Variants in SLC5A4 observed in about 807,000 individuals in gnomAD.
SLC5A4 encodes solute carrier family 5 member 4, also known as probable glucose sensor protein SLC5A4.
Under a neutral mutation model 70.3 loss-of-function variants are expected in SLC5A4, and 55 were observed. The ratio of observed to expected loss-of-function variants is 0.78; its 90% CI spans 0.63 to 0.98. The LOEUF (loss-of-function observed/expected upper bound fraction) is 0.98, where lower values mean the gene tolerates loss of function less well. SLC5A4 is among the 50% of genes least tolerant of loss of function. The pLI is 0.00. For synonymous variants in SLC5A4, 268 were observed against 305.7 expected, an observed-to-expected ratio of 0.88 and a Z score of 1.29; for missense variants, 735 against 839.2, an observed-to-expected ratio of 0.88 and a Z score of 1.53.
chr22:32,351,735 GGTGGGGGGAGGGC>G, the SLC5A4 span, among the ~76,000 whole-genome samples: 1 of 36,548 alleles, frequency 2.7e-5, no homozygotes, highest in Non-Finnish European at 4.3e-5. Flanking sequence ...GGGTGGGGGC[GGTGGGGGGAGGGC>G]GGGGGGGGGG....
intron 5 of SLC5A4, among the ~76,000 whole-genome samples, chr22:32,244,622 C>T (rs1174662163): frequency 6.6e-6 from 1 of 152,186 alleles, no homozygotes; most frequent in African/African-American, 2.4e-5. Context: ...AACTTAGCTC[C>T]TGGGTTCAAG....
chr22:32,330,585 T>G, the SLC5A4 span, among the ~76,000 whole-genome samples: 1,307 of 115,358 alleles, frequency 0.011, 16 homozygotes, highest in South Asian at 0.038. Flanking sequence ...GGGGCTGTGG[T>G]GTGTGTGTGT....
At chr22:32,317,357 A>C in the SLC5A4 span, among the ~76,000 whole-genome samples, 1 of 152,308 alleles carries the variant, frequency 6.6e-6, no homozygotes, top group African/African-American at 2.4e-5. Flanking sequence ...AGAAAGACAA[A>C]CCTAAGAAAG....
the SLC5A4 span, among the ~76,000 whole-genome samples, chr22:32,283,431 G>C: frequency 2.0e-5 from 3 of 152,218 alleles, no homozygotes; most frequent in Non-Finnish European, 4.4e-5. Context: ...ACACTTTAAA[G>C]TTGAATTTGC....
At chr22:32,340,299 T>C in the SLC5A4 span, among the ~76,000 whole-genome samples, 1 of 152,316 alleles carries the variant, frequency 6.6e-6, no homozygotes, top group East Asian at 1.9e-4. Flanking sequence ...AGTTCATTGA[T>C]CGGACACTGT....
chr22:32,349,510 A>G, the SLC5A4 span, among the ~76,000 whole-genome samples: 1 of 152,220 alleles, frequency 6.6e-6, no homozygotes, highest in Non-Finnish European at 1.5e-5. Context: ...GAAGTGGTCT[A>G]TGACATTAAA....
upstream of SLC5A4, among the ~76,000 whole-genome samples, chr22:32,255,623 G>A (rs1027402038): frequency 1.3e-5 from 2 of 152,096 alleles, no homozygotes; most frequent in Non-Finnish European, 2.9e-5. Flanking sequence ...TGCCCAGGTG[G>A]AGGGGGGATT....
chr22:32,229,141 T>G (rs2123883195), intron 11 of SLC5A4, 53 bp downstream of exon 11: 1 of 1,555,094 alleles, frequency 6.4e-7, no homozygotes, highest in Middle Eastern at 1.7e-4. Context: ...CTAGTTCACT[T>G]CTACGTCTGT....
the SLC5A4 span, among the ~76,000 whole-genome samples, chr22:32,332,119 A>C: frequency 1.3e-5 from 2 of 150,770 alleles, no homozygotes; most frequent in Non-Finnish European, 3.0e-5. Flanking sequence ...AGCCGCAGAC[A>C]TGGCTGCAGC....
the SLC5A4 span, among the ~76,000 whole-genome samples, chr22:32,323,061 A>G: frequency 1.3e-5 from 2 of 152,164 alleles, no homozygotes; most frequent in Non-Finnish European, 1.5e-5. Flanking sequence ...GTATCTAACT[A>G]TAGTTCGATT....
At chr22:32,334,262 C>T in the SLC5A4 span, among the ~76,000 whole-genome samples, 2 of 152,134 alleles carry the variant, frequency 1.3e-5, no homozygotes, top group African/African-American at 4.8e-5. Context: ...CTCCACCTCT[C>T]CCCTGGTGCT....
chr22:32,300,881 G>A, the SLC5A4 span, among the ~76,000 whole-genome samples: 2 of 152,146 alleles, frequency 1.3e-5, no homozygotes, highest in East Asian at 1.9e-4. Flanking sequence ...ATTATTTACA[G>A]GTTTTTGTGT....
the SLC5A4 span, among the ~76,000 whole-genome samples, chr22:32,353,932 G>T: frequency 2.0e-5 from 3 of 150,502 alleles, no homozygotes; most frequent in African/African-American, 7.3e-5. Flanking sequence ...CTCCCCACTG[G>T]GAGCAGCAAC....
At chr22:32,320,248 G>A in the SLC5A4 span, among the ~76,000 whole-genome samples, 3 of 152,138 alleles carry the variant, frequency 2.0e-5, no homozygotes, top group Non-Finnish European at 4.4e-5. Flanking sequence ...TTGCTGGTTT[G>A]GGTTTCTGCT....
chr22:32,346,342 T>C, the SLC5A4 span, among the ~76,000 whole-genome samples: 21 of 152,288 alleles, frequency 1.4e-4, no homozygotes, highest in Admixed American at 1.2e-3. Flanking sequence ...CTTCACAGAA[T>C]TGGAAAAAAC....
At chr22:32,330,133 CAG>C in the SLC5A4 span, among the ~76,000 whole-genome samples, 7,087 of 94,724 alleles carry the variant, frequency 0.075, 551 homozygotes, top group Admixed American at 0.15. Context: ...TCTGATGTGT[CAG>C]GGGGGCTCTG....
At chr22:32,317,447 CTTTTTTTAA>C in the SLC5A4 span, among the ~76,000 whole-genome samples, 1 of 151,956 alleles carries the variant, frequency 6.6e-6, no homozygotes, top group Non-Finnish European at 1.5e-5. Context: ...ACTCCATGTT[CTTTTTTTAA>C]TTTTTAAATT....
the SLC5A4 span, among the ~76,000 whole-genome samples, chr22:32,328,883 G>A: frequency 5.9e-5 from 9 of 152,190 alleles, no homozygotes; most frequent in Non-Finnish European, 1.0e-4. Context: ...CTCAGGGAAC[G>A]AGCCTCTGAC....
chr22:32,307,031 G>A, the SLC5A4 span, among the ~76,000 whole-genome samples: 3 of 152,178 alleles, frequency 2.0e-5, no homozygotes, highest in Non-Finnish European at 4.4e-5. Flanking sequence ...TATTTGGGAG[G>A]CTGGTTTAGG....
Sources: gnomAD v4.1 joint callset for allele counts (sites outside exome capture counted in the v4.1 genomes callset) on GRCh38, gnomAD v4.1.1 for gene constraint, MANE v1.5 for transcripts, NCBI Gene and HGNC (gene_info 2026-07-23, HGNC 2026-07-21) for gene names.